The following PRKCB variants were observed in gnomAD, a reference collection of about 807,000 sequenced individuals.
PRKCB encodes protein kinase C beta.
Under a neutral mutation model 81.5 loss-of-function variants are expected in PRKCB, and 13 were observed. That is an observed-to-expected ratio of 0.16 (90% CI 0.10 to 0.25). The LOEUF (loss-of-function observed/expected upper bound fraction) is 0.25, where lower values mean the gene tolerates loss of function less well. PRKCB is among the 10% of genes least tolerant of loss of function. The pLI, the probability that PRKCB is intolerant of heterozygous loss-of-function variation, is 1.00. For synonymous variants in PRKCB, 335 were observed against 321.4 expected (o/e 1.04, Z -0.45); for missense variants, 509 against 875.7 (o/e 0.58, Z 5.29).
At chr16:23,884,984 A>G (rs1180573047) in intron 2 of PRKCB, among the ~76,000 whole-genome samples, 2 of 57,706 alleles carry the variant, frequency 3.5e-5, no homozygotes, top group African/African-American at 1.3e-4. Flanking sequence ...TGGGCAAGTT[A>G]TTTAATTTCT....
At chr16:23,882,526 T>C (rs1397550501) in intron 2 of PRKCB, among the ~76,000 whole-genome samples, 5 of 152,128 alleles carry the variant, frequency 3.3e-5, no homozygotes, top group African/African-American at 9.7e-5. Flanking sequence ...GCGTGAGCCA[T>C]TGCTCCTGGG....
chr16:23,928,744 G>T (rs923359325), intron 2 of PRKCB, among the ~76,000 whole-genome samples: 3 of 151,628 alleles, frequency 2.0e-5, no homozygotes, highest in Non-Finnish European at 4.4e-5. Flanking sequence ...TTGAGATGGG[G>T]CCTTGCTCTT....
intron 2 of PRKCB, among the ~76,000 whole-genome samples, chr16:23,877,012 G>A (rs1963025212): frequency 1.3e-5 from 2 of 152,122 alleles, no homozygotes; most frequent in South Asian, 4.1e-4. Flanking sequence ...GGACAGAGAT[G>A]TGAAGGAAAA....
intron 16 of PRKCB, among the ~76,000 whole-genome samples, chr16:24,202,116 C>T (rs916469229): frequency 3.9e-5 from 6 of 152,076 alleles, no homozygotes; most frequent in East Asian, 1.9e-4. Flanking sequence ...TGGGCAAAAA[C>T]AGCAGCTGTC....
chr16:23,924,865 A>G (rs549361221), intron 2 of PRKCB, among the ~76,000 whole-genome samples: 36 of 152,146 alleles, frequency 2.4e-4, no homozygotes, highest in African/African-American at 7.7e-4. Flanking sequence ...TTACTTGTCA[A>G]TTATAAACAA....
chr16:23,928,911 G>T (rs1963933935), intron 2 of PRKCB, among the ~76,000 whole-genome samples: 1 of 151,938 alleles, frequency 6.6e-6, no homozygotes, highest in African/African-American at 2.4e-5. Context: ...TAGAGACGGG[G>T]TTTTGCCATG....
At chr16:24,108,960 G>C (rs948510671) in intron 7 of PRKCB, among the ~76,000 whole-genome samples, 7 of 149,534 alleles carry the variant, frequency 4.7e-5, no homozygotes, top group Admixed American at 4.0e-4. Context: ...TTCCCGGATG[G>C]GGGGGCTGGC....
At chr16:23,950,139 T>TTG (rs1964259176) in intron 2 of PRKCB, among the ~76,000 whole-genome samples, 2 of 141,010 alleles carry the variant, frequency 1.4e-5, no homozygotes, top group African/African-American at 5.2e-5. Flanking sequence ...TGAATTTTTT[T>TTG]TTTTTTTTTT....
intron 9 of PRKCB, among the ~76,000 whole-genome samples, chr16:24,153,797 C>G (rs1373967627): frequency 6.6e-6 from 1 of 152,198 alleles, no homozygotes; most frequent in Non-Finnish European, 1.5e-5. Flanking sequence ...TTAAATTAAT[C>G]ATCTCTGTAA....
chr16:24,021,278 T>C (rs1965390228), intron 3 of PRKCB, among the ~76,000 whole-genome samples: 1 of 120,374 alleles, frequency 8.3e-6, no homozygotes. Context: ...TTTTCTTTCT[T>C]TTCTCCCTCT....
chr16:24,184,674 T>C (rs1380923494), intron 13 of PRKCB, among the ~76,000 whole-genome samples: 1 of 152,168 alleles, frequency 6.6e-6, no homozygotes, highest in Non-Finnish European at 1.5e-5. Context: ...AATATTAAAA[T>C]AGTGACAAAT....
chr16:24,151,614 C>T (rs886847784), intron 9 of PRKCB: 2 of 358,296 alleles, frequency 5.6e-6, no homozygotes, highest in African/African-American at 4.3e-5. Flanking sequence ...AGATAACAGC[C>T]CAGTGGAATC....
In PRKCB at chr16:24,049,047, GTTTTTTTTT is replaced by G. The variant is rs1160842975; in HGVS notation, c.529+13522_529+13530del. ...TGATAACATTTCTTCAAATTGGCCT[GTTTTTTTTT>G]TTTTTTTTTTTTTTTTTTTTTGCAG... On this transcript the variant is annotated intron_variant, in intron 5 of 16. Transcript: ENST00000643927. Among the ~76,000 whole-genome samples, 186 of 49,698 alleles carry G rather than the reference GTTTTTTTTT, an allele frequency of 3.7e-3. 1 individual carries two copies. Among genetic ancestry groups the G allele is most frequent in the Non-Finnish European group, 5.3e-3 (151 of 28,608 alleles). The allele number at this position is 49,698 out of a possible 152,430, so 32.6% of individuals were successfully genotyped here.
chr16:24,148,172 C>G (rs1234817592), intron 9 of PRKCB, among the ~76,000 whole-genome samples: 1 of 152,164 alleles, frequency 6.6e-6, no homozygotes, highest in African/African-American at 2.4e-5. Context: ...CTGTTCTTTT[C>G]CCTTTGGCTG....
At chr16:24,155,098 A>G (rs1436964336) in intron 10 of PRKCB, among the ~76,000 whole-genome samples, 3 of 152,212 alleles carry the variant, frequency 2.0e-5, no homozygotes, top group Non-Finnish European at 4.4e-5. Flanking sequence ...TTTATAATTA[A>G]CAGAGCAGGG....
At chr16:23,837,167 C>T in intron 1 of PRKCB, 2 of 678,660 alleles carry the variant, frequency 2.9e-6, no homozygotes, top group Non-Finnish European at 5.2e-6. Context: ...GCAGCCTCCT[C>T]TCTTCTGCAG....
chr16:24,025,355 A>AT, intron 3 of PRKCB, among the ~76,000 whole-genome samples: 1 of 152,364 alleles, frequency 6.6e-6, no homozygotes, highest in Non-Finnish European at 1.5e-5. Flanking sequence ...AAACAGGGGT[A>AT]GTAAGTAGTA....
At chr16:24,128,916 T>C (rs1966849064) in intron 9 of PRKCB, among the ~76,000 whole-genome samples, 1 of 152,184 alleles carries the variant, frequency 6.6e-6, no homozygotes, top group Non-Finnish European at 1.5e-5. Context: ...CTTTGAATGA[T>C]TGCTGGAGTC....
intron 10 of PRKCB, among the ~76,000 whole-genome samples, chr16:24,157,107 A>G (rs1357081595): frequency 6.6e-6 from 1 of 152,170 alleles, no homozygotes; most frequent in Non-Finnish European, 1.5e-5. Context: ...CTATATTTCA[A>G]TATGCTTTCT....
Sources: gnomAD v4.1 joint callset for allele counts (sites outside exome capture counted in the v4.1 genomes callset) on GRCh38, gnomAD v4.1.1 for gene constraint, MANE v1.5 for transcripts, NCBI Gene and HGNC (gene_info 2026-07-23, HGNC 2026-07-21) for gene names.